SKAP2: variants seen among roughly 807,000 people sequenced by gnomAD.
SKAP2 encodes the protein src kinase-associated phosphoprotein 2.
Under a neutral mutation model 54.9 loss-of-function variants are expected in SKAP2, and 28 were observed. The observed-to-expected ratio is 0.51, with a 90% CI of 0.38 to 0.70. SKAP2 has a LOEUF of 0.70. Among genes scored for constraint, SKAP2 ranks in the 30% least tolerant of loss-of-function variants. The probability of loss-of-function intolerance (pLI) is 0.00; values close to 1 mark genes in which losing one functional copy is unlikely to be tolerated. For synonymous variants in SKAP2, 137 were observed against 134.3 expected, an observed-to-expected ratio of 1.02 and a Z score of -0.14; for missense variants, 356 against 424.1, an observed-to-expected ratio of 0.84 and a Z score of 1.41.
intron 3 of SKAP2, among the ~76,000 whole-genome samples, chr7:26,848,672 T>C (rs1320483778): frequency 6.6e-6 from 1 of 152,212 alleles, no homozygotes; most frequent in African/African-American, 2.4e-5. Context: ...GAAAAATTAC[T>C]CTAATGAAAA....
rs116932430 is a variant in SKAP2, at chr7:26,799,819, A to G, written c.307+44211T>C. ...TAGACCATATGTCAGGTCACAAAACAAGTCTTAAAACATTCAAAAAAACAG... is the reference window on the plus strand; with the variant it reads ...TAGACCATATGTCAGGTCACAAAACGAGTCTTAAAACATTCAAAAAAACAG... On this transcript the variant is annotated intron_variant, in intron 4 of 12. Transcript: ENST00000345317. Among the ~76,000 whole-genome samples the G allele has an allele frequency of 9.9e-3, 1,513 of 152,310 alleles. 8 individuals carry two copies. Among genetic ancestry groups the G allele is most frequent in the Middle Eastern group, 0.017 (5 of 294 alleles).
At chr7:26,661,336 T>C in the SKAP2 span, among the ~76,000 whole-genome samples, 1 of 152,224 alleles carries the variant, frequency 6.6e-6, no homozygotes, top group Non-Finnish European at 1.5e-5. Context: ...GCATCTGATG[T>C]TTTTTAACTA....
At chr7:26,708,498 T>G (rs1484697992) in intron 9 of SKAP2, among the ~76,000 whole-genome samples, 6 of 152,254 alleles carry the variant, frequency 3.9e-5, no homozygotes. Flanking sequence ...GAATGTGCTA[T>G]AATCTGGTCT....
chr7:26,720,144 TG>T (rs1222990135), intron 9 of SKAP2, among the ~76,000 whole-genome samples: 1 of 151,946 alleles, frequency 6.6e-6, no homozygotes, highest in Non-Finnish European at 1.5e-5. Context: ...AAACATACTC[TG>T]GGGTCAATAT....
At chr7:26,833,890 T>C (rs975979278) in intron 4 of SKAP2, among the ~76,000 whole-genome samples, 1 of 152,264 alleles carries the variant, frequency 6.6e-6, no homozygotes, top group East Asian at 1.9e-4. Flanking sequence ...ATCAACAGAA[T>C]ATACATTCTT....
At chr7:26,863,871 C>G (rs1290976924) in intron 1 of SKAP2, among the ~76,000 whole-genome samples, 1 of 152,114 alleles carries the variant, frequency 6.6e-6, no homozygotes, top group African/African-American at 2.4e-5. Context: ...CAAACTCTTT[C>G]ACCCCATAAC....
At chr7:26,739,251 T>C (rs1782375122) in intron 5 of SKAP2, among the ~76,000 whole-genome samples, 1 of 152,134 alleles carries the variant, frequency 6.6e-6, no homozygotes, top group Non-Finnish European at 1.5e-5. Flanking sequence ...AGTTTTAAAA[T>C]TCAGCTAAGA....
intron 4 of SKAP2, among the ~76,000 whole-genome samples, chr7:26,808,242 G>A (rs376726656): frequency 3.9e-5 from 6 of 152,192 alleles, no homozygotes; most frequent in African/African-American, 1.4e-4. Context: ...CAGATGAATG[G>A]ATAAATTTTG....
chr7:26,823,556 A>G (rs1407376659), intron 4 of SKAP2, among the ~76,000 whole-genome samples: 1 of 152,198 alleles, frequency 6.6e-6, no homozygotes, highest in African/African-American at 2.4e-5. Flanking sequence ...AACCCAGATC[A>G]AGGCCCTAAC....
chr7:26,687,480 GTCTA>G (rs1350643742), intron 10 of SKAP2, among the ~76,000 whole-genome samples: 1 of 151,790 alleles, frequency 6.6e-6, no homozygotes, highest in Non-Finnish European at 1.5e-5. Flanking sequence ...TGATTTACTA[GTCTA>G]TCTATTTCAG....
Position 26,825,807 on chromosome 7 carries a change from T to A in SKAP2, c.307+18223A>T, listed in dbSNP as rs1251411927. 2.0e-5 allele frequency among the ~76,000 whole-genome samples: 3 copies of A among 152,272 alleles called. No homozygotes were observed. The South Asian group carries it at 6.2e-4, about 32-fold the overall frequency. On this transcript the variant is annotated intron_variant, in intron 4 of 12. Transcript: ENST00000345317. ...TTAACCTACTGCATAAACATTATACTCTCCTCTAATGAACTTGAAATATCC... is the reference window on the plus strand; with the variant it reads ...TTAACCTACTGCATAAACATTATACACTCCTCTAATGAACTTGAAATATCC...
Position 26,684,938 on chromosome 7 carries a change from T to A in SKAP2, c.875-90A>T, listed in dbSNP as rs184271546. 5.5e-6 allele frequency: 4 copies of A among 726,026 alleles called. No homozygotes were observed. The East Asian group carries it at 1.1e-4, about 19-fold the overall frequency. The allele number at this position is 726,026 out of a possible 1,614,324, so 45.0% of individuals were successfully genotyped here. ...AACCAGTAGAAATTAAATGATGCCC[T>A]AGATCACTAAAATAGTCTAAAAAAA... On this transcript the variant is annotated intron_variant, in intron 10 of 12. Coordinates refer to ENST00000345317, the MANE Select transcript of SKAP2 (RefSeq NM_003930.5).
At chr7:26,809,544 C>A (rs903726025) in intron 4 of SKAP2, among the ~76,000 whole-genome samples, 3 of 151,888 alleles carry the variant, frequency 2.0e-5, no homozygotes, top group Non-Finnish European at 4.4e-5. Flanking sequence ...AAATTAAAAC[C>A]ACAATGAGAT....
intron 4 of SKAP2, chr7:26,742,430 G>A (rs1562594228): frequency 1.3e-5 from 2 of 152,050 alleles, no homozygotes; most frequent in Admixed American, 6.6e-5. Flanking sequence ...AGGAAGTGGG[G>A]GAAAAGGAAA....
chr7:26,738,775 T>C lies in SKAP2; in HGVS notation c.469+20A>G, dbSNP rs569066706. 7 of 1,440,798 alleles carry C rather than the reference T, an allele frequency of 4.9e-6. No homozygotes were observed. The highest frequency in any genetic ancestry group is 4.2e-5 in the African/African-American group (3 of 71,644). The allele number at this position is 1,440,798 out of a possible 1,614,324, so 89.3% of individuals were successfully genotyped here. A position where few individuals can be genotyped will look rare whatever the true frequency, so the allele number is the denominator to read the frequency against. The stretch of plus-strand genomic sequence containing the variant: ...AATTCTTTTGCAATAGTAGTTGATA[T>C]AATTGAACACCAACATTACCTTTAT... On this transcript the variant is annotated intron_variant, in intron 6 of 12. Transcript: ENST00000345317.
At position 26,779,532 on chromosome 7, in the gene SKAP2, A is replaced by G. The variant is rs181645636; in HGVS notation, c.308-39568T>C. 1.8e-3 allele frequency among the ~76,000 whole-genome samples: 267 copies of G among 152,170 alleles called. 1 individual carries two copies. The highest frequency in any genetic ancestry group is 6.2e-3 in the African/African-American group (257 of 41,550). The stretch of plus-strand genomic sequence containing the variant: ...TGGAATACATTTTAATCTTTCCCTA[A>G]TCTCAAAATTGACAACCACATGACA... On this transcript the variant is annotated intron_variant, in intron 4 of 12. Transcript: ENST00000345317.
chr7:26,793,533 C>T (rs1421241684), intron 4 of SKAP2, among the ~76,000 whole-genome samples: 1 of 152,020 alleles, frequency 6.6e-6, no homozygotes, highest in Non-Finnish European at 1.5e-5. Flanking sequence ...TTCTATTAAA[C>T]AATATAAATA....
intron 3 of SKAP2, among the ~76,000 whole-genome samples, chr7:26,852,387 T>C (rs1785062508): frequency 6.6e-6 from 1 of 152,206 alleles, no homozygotes; most frequent in African/African-American, 2.4e-5. Flanking sequence ...GAGTACACAA[T>C]GGCATAAAAG....
At chr7:26,777,609 T>C (rs1783339921) in intron 4 of SKAP2, among the ~76,000 whole-genome samples, 2 of 152,130 alleles carry the variant, frequency 1.3e-5, no homozygotes, top group Non-Finnish European at 2.9e-5. Context: ...GTGTTTCAAA[T>C]TAAGGTCACC....
Sources: allele counts gnomAD v4.1 joint callset (sites outside exome capture counted in the v4.1 genomes callset), GRCh38; gene constraint gnomAD v4.1.1; transcripts MANE v1.5; gene names NCBI Gene and HGNC (gene_info 2026-07-23, HGNC 2026-07-21).